The following UVRAG variants were observed in gnomAD, a reference collection of about 807,000 sequenced individuals.
UVRAG encodes UV radiation resistance-associated gene protein.
A neutral mutation model predicts 78.0 loss-of-function variants in UVRAG; 19 were observed. That is an observed-to-expected ratio of 0.24 (90% CI 0.17 to 0.36). The LOEUF is 0.36. Among genes scored for constraint, UVRAG ranks in the 10% least tolerant of loss-of-function variants. The pLI is 1.00. For missense variants in UVRAG, 740 were observed against 853.8 expected, an observed-to-expected ratio of 0.87 and a Z score of 1.66; for synonymous variants, 323 against 324.6, an observed-to-expected ratio of 1.00 and a Z score of 0.05.
chr11:76,084,274 C>T (rs1452132322), intron 13 of UVRAG, among the ~76,000 whole-genome samples: 2 of 152,162 alleles, frequency 1.3e-5, no homozygotes, highest in African/African-American at 4.8e-5. Flanking sequence ...ATAACATGAA[C>T]GCTAATGCAC....
intron 8 of UVRAG, among the ~76,000 whole-genome samples, chr11:76,000,513 C>T (rs551516052): frequency 6.6e-6 from 1 of 151,996 alleles, no homozygotes; most frequent in Non-Finnish European, 1.5e-5. Flanking sequence ...GAGGCTGAGA[C>T]AGGAGGATTG....
intron 14 of UVRAG, among the ~76,000 whole-genome samples, chr11:76,135,078 G>C (rs559928513): frequency 6.6e-6 from 1 of 152,304 alleles, no homozygotes; most frequent in South Asian, 2.1e-4. Flanking sequence ...ACTAACGCCT[G>C]ATGATCTGAG....
intron 13 of UVRAG, among the ~76,000 whole-genome samples, chr11:76,093,453 T>C (rs7113608): frequency 0.024 from 3,637 of 152,308 alleles, 146 homozygotes; most frequent in African/African-American, 0.081. Context: ...TTGGGCAGTA[T>C]GGCCATTTTC....
intron 13 of UVRAG, among the ~76,000 whole-genome samples, chr11:76,108,753 A>G (rs1019322231): frequency 6.6e-6 from 1 of 152,212 alleles, no homozygotes; most frequent in African/African-American, 2.4e-5. Context: ...TCCGGTAACT[A>G]TAAAGCCAGA....
At chr11:75,934,747 T>G (rs1948329061) in intron 6 of UVRAG, among the ~76,000 whole-genome samples, 1 of 152,216 alleles carries the variant, frequency 6.6e-6, no homozygotes, top group South Asian at 2.1e-4. Flanking sequence ...CTACATTTTA[T>G]GCCTAGTAAG....
chr11:76,113,924 CT>C lies in UVRAG; in HGVS notation c.1306-1992del, dbSNP rs201639000. On this transcript the variant is annotated intron_variant, in intron 13 of 14. Transcript: ENST00000356136. ...AGAGGCTTGAAATTCCCACATTTTT[CT>C]TTTTTTTGGTTAAAATCAGACTTGG... 3.4e-3 allele frequency among the ~76,000 whole-genome samples: 515 copies of C among 151,822 alleles called. 3 individuals carry two copies. Among genetic ancestry groups the C allele is most frequent in the African/African-American group, 0.011 (475 of 41,414 alleles).
At position 75,961,403 on chromosome 11, in the gene UVRAG, C is replaced by T. The variant is rs781111667; in HGVS notation, c.594-41C>T. On this transcript the variant is annotated intron_variant, in intron 6 of 14. Coordinates refer to ENST00000356136, the MANE Select transcript of UVRAG (RefSeq NM_003369.4). The stretch of plus-strand genomic sequence containing the variant: ...TATCTGAGGCTCTTTGTTGAGTTTA[C>T]TGTTAACTCATTTACATTTTTCTAT... 8.2e-5 allele frequency: 123 copies of T among 1,499,378 alleles called. 2 individuals are homozygous for T. The highest frequency in any genetic ancestry group is 1.0e-4 in the Non-Finnish European group (115 of 1,106,422). The allele number at this position is 1,499,378 out of a possible 1,614,324, so 92.9% of individuals were successfully genotyped here.
chr11:75,889,120 T>A (rs1947158683), intron 5 of UVRAG, among the ~76,000 whole-genome samples: 1 of 152,218 alleles, frequency 6.6e-6, no homozygotes, highest in Admixed American at 6.5e-5. Flanking sequence ...ATTATATTAA[T>A]TTTTCTACAG....
At chr11:76,060,269 T>C (rs1317632362) in intron 12 of UVRAG, among the ~76,000 whole-genome samples, 2 of 152,262 alleles carry the variant, frequency 1.3e-5, no homozygotes, top group East Asian at 1.9e-4. Flanking sequence ...ATTTCTTTTT[T>C]TGGTACTTTA....
At chr11:76,031,105 C>T (rs1271683907) in intron 12 of UVRAG, among the ~76,000 whole-genome samples, 4 of 152,164 alleles carry the variant, frequency 2.6e-5, no homozygotes, top group African/African-American at 9.6e-5. Flanking sequence ...TGACACTCTA[C>T]TCTGTGACCC....
chr11:76,090,449 C>A (rs1191722737), intron 13 of UVRAG, among the ~76,000 whole-genome samples: 2 of 152,188 alleles, frequency 1.3e-5, no homozygotes, highest in Non-Finnish European at 2.9e-5. Context: ...CCCTCCCTGG[C>A]AGTGCCTATT....
At chr11:75,841,297 CTG>C (rs1251593427) in intron 1 of UVRAG, among the ~76,000 whole-genome samples, 2 of 152,130 alleles carry the variant, frequency 1.3e-5, no homozygotes, top group Admixed American at 6.6e-5. Context: ...GGTCAGCAAA[CTG>C]TGACTAACTG....
chr11:75,911,833 T>C, intron 5 of UVRAG, 121 bp from the exon 6 acceptor site: 1 of 646,970 alleles, frequency 1.5e-6, no homozygotes, highest in East Asian at 2.8e-5. Context: ...TTGGAATCTC[T>C]AAAATTTTAG....
intron 4 of UVRAG, among the ~76,000 whole-genome samples, chr11:75,885,335 T>C (rs954149955): frequency 6.6e-6 from 1 of 152,096 alleles, no homozygotes; most frequent in Non-Finnish European, 1.5e-5. Context: ...GGTTAGAACT[T>C]TGTATTAATA....
chr11:75,827,894 C>A (rs955070975), intron 1 of UVRAG, among the ~76,000 whole-genome samples: 3 of 151,848 alleles, frequency 2.0e-5, no homozygotes, highest in African/African-American at 7.3e-5. Flanking sequence ...TTTTGAAAAA[C>A]CTTTTTTTTT....
rs1245606464 is a variant in UVRAG at position 75,878,309 on chromosome 11, C to T, written c.271-1570C>T. On this transcript the variant is annotated intron_variant, in intron 3 of 14. Transcript: ENST00000356136. The stretch of plus-strand genomic sequence containing the variant: ...CTCACTTCGTAGATGGGATGGTGGC[C>T]GGGAAGAGGCGCTCCTCACTTCCTA... The T allele has an allele frequency of 3.2e-5, 6 of 190,400 alleles. No individual in the cohort carries two copies. In the South Asian group the frequency reaches 3.2e-4, roughly 10 times the overall value. The allele number at this position is 190,400 out of a possible 1,614,324, so 11.8% of individuals were successfully genotyped here.
intron 7 of UVRAG, among the ~76,000 whole-genome samples, chr11:75,970,123 C>A (rs377439383): frequency 4.6e-5 from 7 of 152,234 alleles, no homozygotes; most frequent in African/African-American, 1.7e-4. Flanking sequence ...ATTCATAGTG[C>A]AGTAATTATG....
intron 1 of UVRAG, among the ~76,000 whole-genome samples, chr11:75,824,122 G>A (rs1405145937): frequency 1.3e-5 from 2 of 151,866 alleles, no homozygotes; most frequent in African/African-American, 4.8e-5. Flanking sequence ...TGTGCCTCAC[G>A]CAATGCACTA....
At chr11:76,041,211 T>C (rs1157398882) in intron 12 of UVRAG, among the ~76,000 whole-genome samples, 2 of 144,702 alleles carry the variant, frequency 1.4e-5, no homozygotes, top group African/African-American at 2.9e-5. Context: ...GATGGATTTA[T>C]TGGGACAAGA....
Sources: allele counts gnomAD v4.1 joint callset (sites outside exome capture counted in the v4.1 genomes callset), GRCh38; gene constraint gnomAD v4.1.1; transcripts MANE v1.5; gene names NCBI Gene and HGNC (gene_info 2026-07-23, HGNC 2026-07-21).